Variants in TBC1D5 observed in about 807,000 individuals in gnomAD.
TBC1D5 encodes the protein TBC1 domain family member 5.
A neutral mutation model predicts 100.3 loss-of-function variants in TBC1D5; 75 were observed. The observed-to-expected ratio is 0.75, with a 90% confidence interval of 0.62 to 0.91. The LOEUF is 0.91. TBC1D5 is among the 40% of genes least tolerant of loss of function. TBC1D5 has a pLI of 0.00. For missense variants in TBC1D5, 910 were observed against 942.4 expected, an observed-to-expected ratio of 0.97 and a Z score of 0.45; for synonymous variants, 323 against 325.6, an observed-to-expected ratio of 0.99 and a Z score of 0.09.
At chr3:17,269,779 G>A (rs1448363214) in intron 15 of TBC1D5, among the ~76,000 whole-genome samples, 4 of 152,020 alleles carry the variant, frequency 2.6e-5, no homozygotes, top group Admixed American at 2.6e-4. Context: ...AGTCACTTAG[G>A]ACTATGGCCT....
intron 3 of TBC1D5, among the ~76,000 whole-genome samples, chr3:17,491,457 T>C (rs896458994): frequency 6.6e-6 from 1 of 152,222 alleles, no homozygotes; most frequent in Non-Finnish European, 1.5e-5. Flanking sequence ...GTGTCATAAA[T>C]GGCTCTTATT....
At chr3:17,618,564 G>A (rs922984338) in intron 2 of TBC1D5, among the ~76,000 whole-genome samples, 2 of 152,230 alleles carry the variant, frequency 1.3e-5, no homozygotes, top group South Asian at 2.1e-4. Flanking sequence ...TGCCCAGTTC[G>A]AGCTTCCCGG....
chr3:17,196,836 C>T (rs1316530288), intron 18 of TBC1D5, among the ~76,000 whole-genome samples: 1 of 152,090 alleles, frequency 6.6e-6, no homozygotes, highest in Non-Finnish European at 1.5e-5. Flanking sequence ...GAGTCAGTTC[C>T]GTTATAATGC....
chr3:17,375,717 G>C (rs73156329), intron 10 of TBC1D5, among the ~76,000 whole-genome samples: 13,697 of 151,896 alleles, frequency 0.09, 1,418 homozygotes, highest in African/African-American at 0.26. Flanking sequence ...AAGGAAACTT[G>C]AAAATACTAA....
chr3:17,701,214 C>G (rs1443981575), intron 1 of TBC1D5, among the ~76,000 whole-genome samples: 1 of 152,060 alleles, frequency 6.6e-6, no homozygotes, highest in East Asian at 1.9e-4. Context: ...TCATTCTCAG[C>G]AAACTATCAC....
chr3:17,267,720 T>C (rs1453271864), intron 15 of TBC1D5, among the ~76,000 whole-genome samples: 2 of 152,072 alleles, frequency 1.3e-5, no homozygotes, highest in Non-Finnish European at 2.9e-5. Flanking sequence ...CCCATCTTCT[T>C]TTTCCTGTCT....
chr3:17,439,864 T>C (rs2094612689), intron 3 of TBC1D5, among the ~76,000 whole-genome samples: 1 of 152,148 alleles, frequency 6.6e-6, no homozygotes, highest in South Asian at 2.1e-4. Context: ...AAAATATCAT[T>C]CAAAGTAGTT....
chr3:17,520,771 T>C (rs999416003), intron 2 of TBC1D5, among the ~76,000 whole-genome samples: 2 of 152,186 alleles, frequency 1.3e-5, no homozygotes, highest in Non-Finnish European at 2.9e-5. Context: ...AAGACACTTA[T>C]ACTAAAAAGT....
chr3:17,275,893 T>A (rs1267858157), intron 15 of TBC1D5, among the ~76,000 whole-genome samples: 1 of 152,144 alleles, frequency 6.6e-6, no homozygotes, highest in Non-Finnish European at 1.5e-5. Context: ...CCCATCTGCT[T>A]CTACCTGATA....
At chr3:17,698,443 G>C (rs1428834307) in intron 1 of TBC1D5, among the ~76,000 whole-genome samples, 2 of 151,964 alleles carry the variant, frequency 1.3e-5, no homozygotes, top group Non-Finnish European at 2.9e-5. Context: ...AAAAACCCTA[G>C]AAGAAAACCT....
chr3:17,286,286 T>G (rs1035994125), intron 15 of TBC1D5, among the ~76,000 whole-genome samples: 4 of 152,246 alleles, frequency 2.6e-5, no homozygotes, highest in Admixed American at 6.5e-5. Flanking sequence ...TTTTAAACCT[T>G]TTTTCCTAGC....
chr3:17,420,960 T>C (rs543604851), intron 4 of TBC1D5, among the ~76,000 whole-genome samples: 1 of 152,308 alleles, frequency 6.6e-6, no homozygotes, highest in Admixed American at 6.5e-5. Flanking sequence ...TGGCAACAGA[T>C]AACTAAAAGG....
intron 3 of TBC1D5, among the ~76,000 whole-genome samples, chr3:17,505,137 G>A (rs1327777124): frequency 6.6e-6 from 1 of 152,108 alleles, no homozygotes; most frequent in East Asian, 1.9e-4. Flanking sequence ...GCAAAGAAAG[G>A]TTAGGCAATT....
At chr3:17,413,876 A>G (rs992496303) in intron 4 of TBC1D5, among the ~76,000 whole-genome samples, 41 of 152,350 alleles carry the variant, frequency 2.7e-4, no homozygotes, top group Admixed American at 9.8e-4. Flanking sequence ...CAGGGCCTAC[A>G]TACAGTTTAA....
intron 1 of TBC1D5, among the ~76,000 whole-genome samples, chr3:17,705,045 G>T (rs1224680005): frequency 7.3e-6 from 1 of 136,564 alleles, no homozygotes; most frequent in African/African-American, 2.7e-5. Context: ...CTGGCCAGGC[G>T]GGGGGCTGAC....
chr3:17,603,509 G>A (rs563456325), intron 2 of TBC1D5, among the ~76,000 whole-genome samples: 1 of 152,114 alleles, frequency 6.6e-6, no homozygotes, highest in East Asian at 1.9e-4. Flanking sequence ...ATGATTAAAA[G>A]GGGGAGGAAC....
intron 2 of TBC1D5, among the ~76,000 whole-genome samples, chr3:17,529,050 TCTC>T (rs1367897532): frequency 1.3e-5 from 2 of 152,138 alleles, no homozygotes; most frequent in Admixed American, 1.3e-4. Context: ...CTCCCCTTAA[TCTC>T]CTCAATAAAG....
chr3:17,442,551 T>C (rs2094688293), intron 3 of TBC1D5, among the ~76,000 whole-genome samples: 1 of 152,206 alleles, frequency 6.6e-6, no homozygotes, highest in Non-Finnish European at 1.5e-5. Flanking sequence ...GAAGAAGGCC[T>C]GGACATGGGG....
chr3:17,576,379 G>GT (rs1176140821), intron 2 of TBC1D5: 1 of 151,890 alleles, frequency 6.6e-6, no homozygotes, highest in African/African-American at 2.4e-5. Context: ...TCTTAATTCA[G>GT]TTATAACTAT....
Sources: gnomAD v4.1 joint callset for allele counts (sites outside exome capture counted in the v4.1 genomes callset) on GRCh38, gnomAD v4.1.1 for gene constraint, MANE v1.5 for transcripts, NCBI Gene and HGNC (gene_info 2026-07-23, HGNC 2026-07-21) for gene names.